Variants in NEURL1 observed in about 807,000 individuals in gnomAD.
NEURL1 encodes E3 ubiquitin-protein ligase NEURL1.
In NEURL1, 26 loss-of-function variants were observed where a neutral mutation model predicts 41.2. The observed-to-expected ratio is 0.63, with a 90% CI of 0.46 to 0.87. The LOEUF is 0.87. Ranked by LOEUF, NEURL1 falls within the 40% of genes least tolerant of loss-of-function variation. The probability of loss-of-function intolerance (pLI) is 0.00; values close to 1 mark genes in which losing one functional copy is unlikely to be tolerated. For synonymous variants in NEURL1, 400 were observed against 402.3 expected (o/e 0.99, Z 0.07); for missense variants, 761 against 871.1 (o/e 0.87, Z 1.59).
At chr10:103,580,603 G>A (rs2035765632) in intron 3 of NEURL1, among the ~76,000 whole-genome samples, 1 of 152,118 alleles carries the variant, frequency 6.6e-6, no homozygotes, top group Non-Finnish European at 1.5e-5. Context: ...CCTGTGTCTC[G>A]AGTTTCATCT....
chr10:103,587,792 G>A (rs2035952636), intron 4 of NEURL1, among the ~76,000 whole-genome samples: 1 of 152,216 alleles, frequency 6.6e-6, no homozygotes, highest in African/African-American at 2.4e-5. Flanking sequence ...TAGGAGTTGT[G>A]AATTCCTGAA....
At position 103,588,305 on chromosome 10, in the gene NEURL1, C is replaced by CAAA. The variant is rs10678308; in HGVS notation, c.1340-1195_1340-1193dup. ...TGGGCGACAGAGCAAGACTCCGTCT[C>CAAA]AAAAAAAAAAAAAAAAGAAAGCTCA... On this transcript the variant is annotated intron_variant, in intron 4 of 5. Coordinates refer to ENST00000369780, the MANE Select transcript of NEURL1 (RefSeq NM_004210.5). 1.1e-4 allele frequency among the ~76,000 whole-genome samples: 13 copies of CAAA among 115,884 alleles called. No homozygotes were observed. In the South Asian group the frequency reaches 1.7e-3, roughly 15 times the overall value. The allele number at this position is 115,884 out of a possible 152,430, so 76.0% of individuals were successfully genotyped here. A position where few individuals can be genotyped will look rare whatever the true frequency, so the allele number is the denominator to read the frequency against.
At chr10:103,583,465 T>C (rs1232766279) in intron 3 of NEURL1, among the ~76,000 whole-genome samples, 1 of 151,910 alleles carries the variant, frequency 6.6e-6, no homozygotes, top group Non-Finnish European at 1.5e-5. Flanking sequence ...CTTCTAATCG[T>C]AGCACTTTGG....
At chr10:103,511,933 C>G (rs965675311) in intron 1 of NEURL1, 1 of 152,268 alleles carries the variant, frequency 6.6e-6, no homozygotes, top group South Asian at 2.1e-4. Flanking sequence ...ATGGGCTCTT[C>G]AGGGCTGCCG....
chr10:103,556,729 C>T lies in NEURL1; in HGVS notation c.86-14143C>T, dbSNP rs536861461. ...GGAAGGCCCTGGAAGACACATAATC[C>T]GGAGCCAGGCCAGGGGCACTGCCAG... On this transcript the variant is annotated intron_variant, in intron 1 of 5. Transcript: ENST00000369780. The surrounding 1 kb of genome is among the most constrained non-coding windows in gnomAD (Gnocchi z 4.4). Among the ~76,000 whole-genome samples the T allele has an allele frequency of 5.9e-5, 9 of 152,344 alleles. No individual in the cohort carries two copies. Among genetic ancestry groups the T allele is most frequent in the African/African-American group, 7.2e-5 (3 of 41,590 alleles).
At chr10:103,555,982 G>A (rs909098766) in intron 1 of NEURL1, among the ~76,000 whole-genome samples, 4 of 152,258 alleles carry the variant, frequency 2.6e-5, no homozygotes, top group African/African-American at 9.6e-5. Flanking sequence ...GTGCCCGTGG[G>A]TGTGCACCTG....
chr10:103,567,262 G>A (rs905385369), intron 1 of NEURL1, among the ~76,000 whole-genome samples: 2 of 152,060 alleles, frequency 1.3e-5, no homozygotes, highest in Non-Finnish European at 2.9e-5. Flanking sequence ...GAGATTACAG[G>A]TGTGAGCCAC....
At position 103,501,618 on chromosome 10, in the gene NEURL1, T is replaced by TTTA. The variant is rs58396329; in HGVS notation, c.85+7173_85+7175dup. On this transcript the variant is annotated intron_variant, in intron 1 of 5. Transcript: ENST00000369780. ...AGAGGTAGGTATTATTCCCACTTTATTTATTATTATTATTATTATTATTAT... is the reference window on the plus strand; with the variant it reads ...AGAGGTAGGTATTATTCCCACTTTATTTATTATTATTATTATTATTATTATTAT... Among the ~76,000 whole-genome samples, 578 of 142,592 alleles carry TTTA rather than the reference T, an allele frequency of 4.1e-3. 2 individuals carry two copies. The highest frequency in any genetic ancestry group is 5.5e-3 in the South Asian group (24 of 4,340). The allele number at this position is 142,592 out of a possible 152,430, so 93.5% of individuals were successfully genotyped here.
At chr10:103,521,946 T>C (rs1011311528) in intron 1 of NEURL1, among the ~76,000 whole-genome samples, 2 of 136,858 alleles carry the variant, frequency 1.5e-5, no homozygotes, top group Non-Finnish European at 3.1e-5. Flanking sequence ...AGTGAAGAGA[T>C]AGGGTTGGGG....
rs1024076192 is a variant in NEURL1, at chr10:103,526,927, T to C, written c.85+32455T>C. 2.5e-4 allele frequency among the ~76,000 whole-genome samples: 29 copies of C among 116,822 alleles called. No homozygotes were observed. The East Asian group carries it at 6.6e-3, about 27-fold the overall frequency. 76.6% of individuals were successfully genotyped at this position (116,822 alleles called of 152,430 possible). A position where few individuals can be genotyped will look rare whatever the true frequency, so the allele number is the denominator to read the frequency against. On this transcript the variant is annotated intron_variant, in intron 1 of 5. Transcript: ENST00000369780. ...GATCCTTTGTATTTCTGTGGTATCA[T>C]CTTTTTTTTTTTTTAAGTAAAAGCA...
rs573556843 is a variant in NEURL1 at position 103,536,699 on chromosome 10, A to G, written c.86-34173A>G. Among the ~76,000 whole-genome samples, 9 of 152,306 alleles carry G rather than the reference A, an allele frequency of 5.9e-5. No homozygotes were observed. In the South Asian group the frequency reaches 1.9e-3, roughly 32 times the overall value. ...TTTTTAATGGACAATCCTTTAGGGC[A>G]TCTTTCCAAAGCTTTCAACTTAGTT... On this transcript the variant is annotated intron_variant, in intron 1 of 5. Transcript: ENST00000369780.
At chr10:103,585,826 C>A (rs6584560) in intron 4 of NEURL1, among the ~76,000 whole-genome samples, 26,886 of 132,238 alleles carry the variant, frequency 0.2, 2,724 homozygotes, top group South Asian at 0.28. Flanking sequence ...GAGTGAGACT[C>A]CGTCTCAAAA....
intron 1 of NEURL1, among the ~76,000 whole-genome samples, chr10:103,530,287 A>ATT (rs888784229): frequency 1.4e-5 from 2 of 145,658 alleles, no homozygotes; most frequent in Non-Finnish European, 1.5e-5. Context: ...ACTTCACTAG[A>ATT]TTTTTTTTTT....
chr10:103,494,456 C>T lies in NEURL1; in HGVS notation c.69C>T (p.His23=), dbSNP rs1320708889. The T allele has an allele frequency of 1.3e-6, 2 of 1,589,524 alleles. No individual in the cohort carries two copies. The highest frequency in any genetic ancestry group is 1.1e-5 in the South Asian group (1 of 87,728). ...ACCCGAGCCGCGCGCCGCGGGGCCA[C>T]CCCCAGAACCTCAAAGGTAGGCTCC... is the stretch of plus-strand genomic sequence containing the variant. ...RGNPSRAPRG[H]PQNLKDSIGG... is the part of the protein sequence containing the mutation. Residue 23 remains histidine, a synonymous_variant, in exon 1 of 6, where the codon CAC becomes CAT. Coordinates refer to ENST00000369780, the MANE Select transcript of NEURL1 (RefSeq NM_004210.5).
Position 103,571,101 on chromosome 10 carries a change from A to C in NEURL1, c.315A>C (p.Gln105His). 6.2e-7 allele frequency: 1 copy of C among 1,613,374 alleles called. No homozygotes were observed. Among genetic ancestry groups the C allele is most frequent in the Non-Finnish European group, 8.5e-7 (1 of 1,179,954 alleles). ...ACCGCCCGGTCCTCATCTACGAGCAAGTCAGGCTGAAGGTGGGCCTGCCCC... is the reference window on the plus strand; with the variant it reads ...ACCGCCCGGTCCTCATCTACGAGCACGTCAGGCTGAAGGTGGGCCTGCCCC... ...FSNRPVLIYE[Q>H]VRLKITKKQC... Residue 105 changes from glutamine (Q) to histidine (H), a missense_variant, in exon 2 of 6, where the codon CAA (glutamine) becomes CAC (histidine). Coordinates refer to ENST00000369780, the MANE Select transcript of NEURL1 (RefSeq NM_004210.5).
rs528398593 is a variant in NEURL1, at chr10:103,503,245, A to G, written c.85+8773A>G. ...AATATAGCTTCTGGATGACAGATCC[A>G]GCTCCAGAGTTTATTAAAAGATGCT... On this transcript the variant is annotated intron_variant, in intron 1 of 5. Transcript: ENST00000369780. Among the ~76,000 whole-genome samples, 3 of 152,370 alleles carry G rather than the reference A, an allele frequency of 2.0e-5. No homozygotes were observed. The East Asian group carries it at 5.8e-4, about 29-fold the overall frequency.
chr10:103,571,463 T>G (rs1458990628), intron 2 of NEURL1, 38 bp from the exon 3 acceptor site: 6 of 1,563,408 alleles, frequency 3.8e-6, no homozygotes, highest in Non-Finnish European at 5.2e-6. Context: ...ATTGACCAAG[T>G]GGGAGAGGGT....
intron 1 of NEURL1, chr10:103,555,278 CGGG>C: frequency 1.8e-6 from 2 of 1,125,478 alleles, no homozygotes; most frequent in Non-Finnish European, 2.2e-6. Flanking sequence ...TCTCCGCCCG[CGGG>C]GGAGGAGACG....
chr10:103,500,856 C>T (rs531817701), intron 1 of NEURL1, among the ~76,000 whole-genome samples: 1 of 152,330 alleles, frequency 6.6e-6, no homozygotes, highest in East Asian at 1.9e-4. Flanking sequence ...ACCCTCAAAC[C>T]TGCGTGTTTA....
Sources: gnomAD v4.1 joint callset for allele counts (sites outside exome capture counted in the v4.1 genomes callset) on GRCh38, gnomAD v4.1.1 for gene constraint, Gnocchi (gnomAD v3.1) non-coding constraint, MANE v1.5 for transcripts, NCBI Gene and HGNC (gene_info 2026-07-23, HGNC 2026-07-21) for gene names.